Variants in METTL15 observed in about 807,000 individuals in gnomAD.
METTL15 encodes the protein methyltransferase 15, mitochondrial 12S rRNA N4-cytidine.
METTL15 carries 34 observed loss-of-function variants against 38.3 expected under a neutral mutation model. The observed-to-expected ratio is 0.89, with a 90% CI of 0.68 to 1.18. METTL15 has a LOEUF of 1.18. Among genes scored for constraint, METTL15 ranks in the 50% most tolerant of loss-of-function variants. The pLI, the probability that METTL15 is intolerant of heterozygous loss-of-function variation, is 0.00. For synonymous variants in METTL15, 162 were observed against 170.9 expected, an observed-to-expected ratio of 0.95 and a Z score of 0.41; for missense variants, 438 against 498.4, an observed-to-expected ratio of 0.88 and a Z score of 1.15.
intron 3 of METTL15, among the ~76,000 whole-genome samples, chr11:28,160,470 AT>A (rs1850418459): frequency 6.6e-6 from 1 of 152,082 alleles, no homozygotes; most frequent in Non-Finnish European, 1.5e-5. Flanking sequence ...CAGGATTAAG[AT>A]TTTGGTAGAG....
At chr11:28,280,268 CTCAATTTTCT>C (rs1339942305) in intron 4 of METTL15, among the ~76,000 whole-genome samples, 1 of 152,128 alleles carries the variant, frequency 6.6e-6, no homozygotes, top group Non-Finnish European at 1.5e-5. Flanking sequence ...GGTGAACTAA[CTCAATTTTCT>C]TTATCTTAGA....
intron 4 of METTL15, among the ~76,000 whole-genome samples, chr11:28,232,258 C>G (rs1853716905): frequency 6.6e-6 from 1 of 151,800 alleles, no homozygotes; most frequent in African/African-American, 2.4e-5. Flanking sequence ...GGCTCAAAAT[C>G]CTTATTACTA....
At chr11:28,277,050 A>C (rs1855870724) in intron 4 of METTL15, among the ~76,000 whole-genome samples, 1 of 152,184 alleles carries the variant, frequency 6.6e-6, no homozygotes, top group African/African-American at 2.4e-5. Flanking sequence ...AACATAAATA[A>C]ATGGGAATTA....
chr11:28,453,301 A>C (rs965796456), intron 6 of METTL15, among the ~76,000 whole-genome samples: 4 of 152,204 alleles, frequency 2.6e-5, no homozygotes, highest in African/African-American at 9.7e-5. Context: ...AAAGAAATCC[A>C]GCTGGATTAT....
chr11:28,321,265 T>C lies in METTL15; in HGVS notation c.779-9131T>C, dbSNP rs113768672. On this transcript the variant is annotated intron_variant, in intron 6 of 6. Transcript: ENST00000407364. ...CACAATAATCCTGTGAGAAGTGTTA[T>C]GATTTCATCCTAGAATGGAGAAACT... is the stretch of plus-strand genomic sequence containing the variant. Among the ~76,000 whole-genome samples the C allele has an allele frequency of 5.9e-5, 9 of 152,346 alleles. 1 individual carries two copies. Among genetic ancestry groups the C allele is most frequent in the Admixed American group, 2.0e-4 (3 of 15,296 alleles).
At chr11:28,488,098 T>G (rs1160507757) in intron 6 of METTL15, among the ~76,000 whole-genome samples, 1 of 152,150 alleles carries the variant, frequency 6.6e-6, no homozygotes, top group Admixed American at 6.6e-5. Context: ...TACAACAGTT[T>G]CCAACTCAGC....
intron 5 of METTL15, among the ~76,000 whole-genome samples, chr11:28,408,364 C>T (rs959128903): frequency 2.6e-5 from 4 of 152,144 alleles, no homozygotes; most frequent in South Asian, 2.1e-4. Context: ...ACAAGAAAAC[C>T]GTGCTAGCTA....
At chr11:28,481,228 G>A (rs185572495) in intron 6 of METTL15, among the ~76,000 whole-genome samples, 1 of 152,194 alleles carries the variant, frequency 6.6e-6, no homozygotes, top group African/African-American at 2.4e-5. Context: ...TCATATCCAT[G>A]TGGAAAATTG....
intron 5 of METTL15, among the ~76,000 whole-genome samples, chr11:28,398,587 G>A (rs1485981582): frequency 1.3e-5 from 2 of 152,062 alleles, no homozygotes; most frequent in African/African-American, 4.8e-5. Flanking sequence ...CTTGTCAGAT[G>A]GATAGATTGC....
At chr11:28,400,626 C>T (rs141491623) in intron 5 of METTL15, among the ~76,000 whole-genome samples, 35 of 152,092 alleles carry the variant, frequency 2.3e-4, no homozygotes, top group Non-Finnish European at 3.4e-4. Context: ...ATTTTCCTGA[C>T]ATTTCTGCAT....
At chr11:28,134,492 C>T (rs1051105047) in intron 3 of METTL15, 4 of 398,240 alleles carry the variant, frequency 1.0e-5, no homozygotes, top group Middle Eastern at 6.2e-4. Flanking sequence ...AGGGATCCTT[C>T]TGGTACTGTC....
intron 6 of METTL15, chr11:28,526,430 A>C (rs1278756200): frequency 6.6e-6 from 1 of 152,244 alleles, no homozygotes; most frequent in Non-Finnish European, 1.5e-5. Flanking sequence ...TTGGCATACA[A>C]TTGCTCATAG....
rs146127037 is a variant in METTL15, at chr11:28,118,006, T to C, written c.270+4402T>C. The stretch of plus-strand genomic sequence containing the variant: ...TTTACAGATGAAACTTTTTTTTGTT[T>C]TTTTGTTTTTTTTTGAGACGGAGTT... On this transcript the variant is annotated intron_variant, in intron 3 of 6. Transcript: ENST00000407364. Among the ~76,000 whole-genome samples, 439 of 152,248 alleles carry C rather than the reference T, an allele frequency of 2.9e-3. 3 individuals are homozygous for C. The highest frequency in any genetic ancestry group is 3.5e-3 in the Non-Finnish European group (239 of 68,008).
intron 4 of METTL15, among the ~76,000 whole-genome samples, chr11:28,212,960 T>C (rs1291166691): frequency 1.3e-5 from 2 of 152,192 alleles, no homozygotes; most frequent in Non-Finnish European, 2.9e-5. Flanking sequence ...TGTGTAATTT[T>C]TTTTTAACCT....
chr11:28,431,789 T>TAAAAAAAAA (rs1564929855), intron 6 of METTL15, among the ~76,000 whole-genome samples: 1 of 9,952 alleles, frequency 1.0e-4, no homozygotes, highest in Non-Finnish European at 3.1e-4. Context: ...AAAAATAAAT[T>TAAAAAAAAA]TAAAAAAAAA....
At chr11:28,132,144 T>C (rs997286065) in intron 3 of METTL15, among the ~76,000 whole-genome samples, 66 of 152,170 alleles carry the variant, frequency 4.3e-4, no homozygotes, top group African/African-American at 1.5e-3. Flanking sequence ...TGGAAATCAC[T>C]ATGATTAGCA....
At position 28,332,227 on chromosome 11, in the gene METTL15, G is replaced by GA. The variant is rs1382330898; in HGVS notation, c.*1393dup. The stretch of plus-strand genomic sequence containing the variant: ...AATCCTACAGGGAAATCAGAATTAG[G>GA]AAAAAAATCTGGAGAACAATATGGT... On this transcript the variant is annotated 3_prime_UTR_variant, in exon 7 of 7. Transcript: ENST00000407364. The GA allele has an allele frequency of 1.3e-5, 2 of 152,078 alleles. No homozygotes were observed. Among genetic ancestry groups the GA allele is most frequent in the African/African-American group, 2.4e-5 (1 of 41,420 alleles). The allele number at this position is 152,078 out of a possible 1,614,324, so 9.4% of individuals were successfully genotyped here.
intron 3 of METTL15, among the ~76,000 whole-genome samples, chr11:28,159,169 T>G (rs1208178425): frequency 2.6e-5 from 4 of 152,062 alleles, no homozygotes; most frequent in African/African-American, 7.2e-5. Context: ...CCTGGACACT[T>G]TGGGTTCCTC....
In METTL15 at chr11:28,175,602, C is replaced by G. The variant is rs377037555; in HGVS notation, c.271-35460C>G. 1.4e-4 allele frequency among the ~76,000 whole-genome samples: 21 copies of G among 152,240 alleles called. No homozygotes were observed. The East Asian group carries it at 1.7e-3, about 13-fold the overall frequency. ...AAAAATTGCCCAAATGACTTATTAA[C>G]TTTCTTAAACCTGCATCTCCTCATA... On this transcript the variant is annotated intron_variant, in intron 3 of 6. Coordinates refer to ENST00000407364, the MANE Select transcript of METTL15 (RefSeq NM_001113528.2).
Sources: allele counts gnomAD v4.1 joint callset (sites outside exome capture counted in the v4.1 genomes callset), GRCh38; gene constraint gnomAD v4.1.1; transcripts MANE v1.5; gene names NCBI Gene and HGNC (gene_info 2026-07-23, HGNC 2026-07-21).